SIPA1L3: variants seen among roughly 807,000 people sequenced by gnomAD.
SIPA1L3 encodes signal induced proliferation associated 1 like 3, also known as signal-induced proliferation-associated 1-like protein 3.
In SIPA1L3, 59 loss-of-function variants were observed where a neutral mutation model predicts 150.1. The observed-to-expected ratio is 0.39, with a 90% CI of 0.32 to 0.49. SIPA1L3 has a LOEUF of 0.49. SIPA1L3 is among the 20% of genes least tolerant of loss of function. The pLI, the probability that SIPA1L3 is intolerant of heterozygous loss-of-function variation, is 0.86. For missense variants in SIPA1L3, 2,211 were observed against 2,489.5 expected, an observed-to-expected ratio of 0.89 and a Z score of 2.38; for synonymous variants, 1,070 against 1,077.6, an observed-to-expected ratio of 0.99 and a Z score of 0.14.
At chr19:38,201,735 C>T (rs894844154) in intron 19 of SIPA1L3, 127 bp from the exon 20 acceptor site, 7 of 995,706 alleles carry the variant, frequency 7.0e-6, no homozygotes, top group African/African-American at 3.3e-5. Flanking sequence ...TATCTAAGTG[C>T]CGATGCAGTC....
At chr19:38,126,860 A>G (rs1481320441) in intron 9 of SIPA1L3, among the ~76,000 whole-genome samples, 1 of 152,038 alleles carries the variant, frequency 6.6e-6, no homozygotes, top group Non-Finnish European at 1.5e-5. Flanking sequence ...AATTATAGAA[A>G]ATTGCAAGCA....
At chr19:37,931,633 C>A (rs1599807611) in intron 1 of SIPA1L3, among the ~76,000 whole-genome samples, 3 of 152,140 alleles carry the variant, frequency 2.0e-5, no homozygotes, top group African/African-American at 7.2e-5. Context: ...GCCTGTAATC[C>A]CAGCTACTTG....
At chr19:38,132,926 A>G (rs1381531012) in intron 10 of SIPA1L3, among the ~76,000 whole-genome samples, 1 of 152,130 alleles carries the variant, frequency 6.6e-6, no homozygotes, top group Non-Finnish European at 1.5e-5. Context: ...GGGATTACAG[A>G]TGTGAGCCAC....
intron 1 of SIPA1L3, among the ~76,000 whole-genome samples, chr19:37,991,800 C>T (rs967443506): frequency 2.6e-5 from 4 of 152,028 alleles, no homozygotes; most frequent in South Asian, 2.1e-4. Context: ...TTGCTAGGAC[C>T]GGGGTGGGGT....
In SIPA1L3 at chr19:38,138,897, C is replaced by CAAAAAAAAAAAAAAAAAAA. The variant is rs3045988; in HGVS notation, c.3144-2269_3144-2268insAAAAAAAAAAAAAAAAAAA. Among the ~76,000 whole-genome samples, 31 of 44,102 alleles carry CAAAAAAAAAAAAAAAAAAA rather than the reference C, an allele frequency of 7.0e-4. 1 individual carries two copies. The highest frequency in any genetic ancestry group is 2.3e-3 in the African/African-American group (21 of 9,278). 28.9% of individuals were successfully genotyped at this position (44,102 alleles called of 152,430 possible). A position where few individuals can be genotyped will look rare whatever the true frequency, so the allele number is the denominator to read the frequency against. ...TGGGTGACAGAACGAGACTCTATCT[C>CAAAAAAAAAAAAAAAAAAA]AAAAAAAAAAAAAAAAAACTGAGTG... On this transcript the variant is annotated intron_variant, in intron 10 of 21. Transcript: ENST00000222345.
intron 9 of SIPA1L3, among the ~76,000 whole-genome samples, chr19:38,123,283 T>TTA (rs1971070510): frequency 6.6e-6 from 1 of 150,964 alleles, no homozygotes; most frequent in Non-Finnish European, 1.5e-5. Context: ...GTTTTTTTTT[T>TTA]AATTGATCAT....
At chr19:38,103,695 G>A (rs1236538971) in intron 6 of SIPA1L3, among the ~76,000 whole-genome samples, 1 of 151,382 alleles carries the variant, frequency 6.6e-6, no homozygotes, top group Non-Finnish European at 1.5e-5. Context: ...AGGCCAAGGT[G>A]GGCGGATCAT....
intron 1 of SIPA1L3, among the ~76,000 whole-genome samples, chr19:37,961,753 T>G (rs189310504): frequency 6.6e-6 from 1 of 152,160 alleles, no homozygotes; most frequent in African/African-American, 2.4e-5. Flanking sequence ...TATGTCTGTC[T>G]TGATGCCTTT....
chr19:38,106,484 G>A (rs1299592733), intron 6 of SIPA1L3, 53 bp from the exon 7 acceptor site: 3 of 1,229,660 alleles, frequency 2.4e-6, no homozygotes, highest in Non-Finnish European at 3.6e-6. Context: ...GTGGGATATG[G>A]CAAAAACCCA....
intron 9 of SIPA1L3, among the ~76,000 whole-genome samples, chr19:38,128,129 A>G (rs989461940): frequency 8.2e-5 from 11 of 134,022 alleles, no homozygotes; most frequent in African/African-American, 3.2e-4. Context: ...ATCTCGGCTC[A>G]CTGCAACCTC....
At position 38,042,147 on chromosome 19, in the gene SIPA1L3, C is replaced by T. The variant is rs118142703; in HGVS notation, c.-311+12991C>T. On this transcript the variant is annotated intron_variant, in intron 2 of 21. Transcript: ENST00000222345. Reference sequence around the variant, plus strand: ...CCAAAGCCAATGTTGAGGAGCTTTCCGCCATGTTCTTTTCTGGGAGTTTTA... The same window carrying T: ...CCAAAGCCAATGTTGAGGAGCTTTCTGCCATGTTCTTTTCTGGGAGTTTTA... 4.6e-4 allele frequency among the ~76,000 whole-genome samples: 70 copies of T among 152,220 alleles called. 2 individuals are homozygous for T. In the East Asian group the frequency reaches 0.01, roughly 22 times the overall value.
At chr19:38,121,768 A>T (rs988511610) in intron 9 of SIPA1L3, among the ~76,000 whole-genome samples, 1 of 152,028 alleles carries the variant, frequency 6.6e-6, no homozygotes, top group South Asian at 2.1e-4. Flanking sequence ...AACAAAAAAT[A>T]AATTAGCTGG....
chr19:38,077,677 T>C (rs1969875845), intron 2 of SIPA1L3, among the ~76,000 whole-genome samples: 1 of 120,792 alleles, frequency 8.3e-6, no homozygotes, highest in Admixed American at 8.4e-5. Flanking sequence ...TTTTTTTTTT[T>C]TTTTTTTTTT....
At chr19:38,159,635 A>C (rs1175478965) in intron 13 of SIPA1L3, among the ~76,000 whole-genome samples, 2 of 152,262 alleles carry the variant, frequency 1.3e-5, no homozygotes, top group Admixed American at 6.5e-5. Flanking sequence ...CACAGGTGCT[A>C]AACTAGGCCA....
At chr19:38,102,881 T>A (rs1481095312) in intron 6 of SIPA1L3, among the ~76,000 whole-genome samples, 1 of 151,990 alleles carries the variant, frequency 6.6e-6, no homozygotes, top group Non-Finnish European at 1.5e-5. Context: ...TCCCAGCACT[T>A]TGTGAGGCCG....
At chr19:38,074,228 GA>G (rs1969787196) in intron 2 of SIPA1L3, among the ~76,000 whole-genome samples, 1 of 152,234 alleles carries the variant, frequency 6.6e-6, no homozygotes, top group Non-Finnish European at 1.5e-5. Flanking sequence ...CAGCTGCTAG[GA>G]GAAGGGATTT....
intron 4 of SIPA1L3, among the ~76,000 whole-genome samples, chr19:38,098,481 G>A (rs8102589): frequency 0.31 from 45,648 of 145,588 alleles, 7,885 homozygotes; most frequent in East Asian, 0.61. Flanking sequence ...TGCAACCTCC[G>A]CCTCCCAGGT....
At chr19:38,018,866 C>A (rs951409714) in intron 1 of SIPA1L3, among the ~76,000 whole-genome samples, 2 of 152,124 alleles carry the variant, frequency 1.3e-5, no homozygotes, top group African/African-American at 4.8e-5. Context: ...AGCATCCTAC[C>A]CCACACAGTG....
intron 1 of SIPA1L3, among the ~76,000 whole-genome samples, chr19:37,979,457 T>G (rs1167261134): frequency 6.6e-6 from 1 of 150,920 alleles, no homozygotes. Context: ...CTCAGGAGGC[T>G]GAGGCAGGAG....
Sources: gnomAD v4.1 joint callset for allele counts (sites outside exome capture counted in the v4.1 genomes callset) on GRCh38, gnomAD v4.1.1 for gene constraint, MANE v1.5 for transcripts, NCBI Gene and HGNC (gene_info 2026-07-23, HGNC 2026-07-21) for gene names.